SART3: variants seen among roughly 807,000 people sequenced by gnomAD.
SART3 encodes the protein HIV-1 Tat-interacting protein of 110kDa.
Under a neutral mutation model 122.3 loss-of-function variants are expected in SART3, and 44 were observed. That is an observed-to-expected ratio of 0.36 (90% CI 0.28 to 0.46). The LOEUF (loss-of-function observed/expected upper bound fraction) is 0.46, where lower values mean the gene tolerates loss of function less well. Ranked by LOEUF, SART3 falls within the 20% of genes least tolerant of loss-of-function variation. The pLI is 1.00. For missense variants in SART3, 1,101 were observed against 1,229.0 expected, an observed-to-expected ratio of 0.90 and a Z score of 1.56; for synonymous variants, 442 against 454.0, an observed-to-expected ratio of 0.97 and a Z score of 0.34.
chr12:108,527,466 A>T (rs746404904), intron 15 of SART3, among the ~76,000 whole-genome samples: 3 of 152,138 alleles, frequency 2.0e-5, no homozygotes, highest in Non-Finnish European at 4.4e-5. Context: ...TACGAAGTTG[A>T]CCCACTAGTG....
chr12:108,554,704 T>A (rs1465718955), intron 1 of SART3, among the ~76,000 whole-genome samples: 1 of 149,222 alleles, frequency 6.7e-6, no homozygotes, highest in South Asian at 2.1e-4. Flanking sequence ...AATTTAATAA[T>A]ACATTAAAAT....
intron 15 of SART3, among the ~76,000 whole-genome samples, chr12:108,526,761 T>C (rs539870042): frequency 8.3e-6 from 1 of 120,510 alleles, no homozygotes; most frequent in East Asian, 3.2e-4. Flanking sequence ...TACACTCGGG[T>C]AAGTGGGCTC....
chr12:108,524,962 T>G (rs754976810), intron 17 of SART3: 2 of 293,552 alleles, frequency 6.8e-6, no homozygotes, highest in Middle Eastern at 1.2e-3. Context: ...GAGTGGGCAG[T>G]GGGTAGACAG....
chr12:108,524,288 T>C, intron 18 of SART3, 28 bp downstream of exon 18: 1 of 1,599,350 alleles, frequency 6.3e-7, no homozygotes, highest in South Asian at 1.1e-5. Context: ...GGACGAAGTT[T>C]GCACTAGTCT....
At position 108,532,317 on chromosome 12, in the gene SART3, T is replaced by C; in HGVS notation, c.1574A>G (p.Gln525Arg). 1 of 1,614,010 alleles carries C rather than the reference T, an allele frequency of 6.2e-7. No individual in the cohort carries two copies. Among genetic ancestry groups the C allele is most frequent in the Non-Finnish European group, 8.5e-7 (1 of 1,179,972 alleles). Reference protein sequence around the residue: ...YNLERAHGDTQHCRKALHRAV... With the variant: ...YNLERAHGDTRHCRKALHRAV... ...CCGGTGCAGAGCCTTCCGGCAGTGCTGGGTGTCACCATGAGCTCTAAGGCA... is the reference window on the plus strand; with the variant it reads ...CCGGTGCAGAGCCTTCCGGCAGTGCCGGGTGTCACCATGAGCTCTAAGGCA... Residue 525 changes from glutamine to arginine, a missense_variant, in exon 13 of 19, where the codon CAG becomes CGG. By Grantham distance (43) the Gln-to-Arg change is conservative (BLOSUM62 1). Coordinates refer to ENST00000546815, the MANE Select transcript of SART3 (RefSeq NM_014706.4).
Position 108,523,340 on chromosome 12 carries a change from T to G in SART3, c.*117A>C, listed in dbSNP as rs1872211639. On this transcript the variant is annotated 3_prime_UTR_variant, in exon 19 of 19. Transcript: ENST00000546815. ...CTTTCTGTCTAAAGCCGAGGAGCCATCTGTGGTTGCGAGCACGCAGCACAC... is the reference window on the plus strand; with the variant it reads ...CTTTCTGTCTAAAGCCGAGGAGCCAGCTGTGGTTGCGAGCACGCAGCACAC... The G allele has an allele frequency of 9.5e-7, 1 of 1,054,074 alleles. No individual in the cohort carries two copies. Among genetic ancestry groups the G allele is most frequent in the East Asian group, 2.4e-5 (1 of 42,406 alleles). 65.3% of individuals were successfully genotyped at this position (1,054,074 alleles called of 1,614,324 possible).
At chr12:108,530,714 T>C (rs1394154779) in intron 14 of SART3, among the ~76,000 whole-genome samples, 4 of 151,954 alleles carry the variant, frequency 2.6e-5, no homozygotes, top group Admixed American at 2.0e-4. Flanking sequence ...AAAAATTAGC[T>C]AGGTGTGGTA....
chr12:108,529,845 AT>A (rs1485222321), intron 15 of SART3, among the ~76,000 whole-genome samples: 3 of 151,986 alleles, frequency 2.0e-5, no homozygotes, highest in African/African-American at 7.2e-5. Flanking sequence ...ACTCAAGGAG[AT>A]CCAGGAGACA....
intron 15 of SART3, among the ~76,000 whole-genome samples, chr12:108,527,410 G>A (rs190516193): frequency 2.0e-4 from 31 of 152,274 alleles, no homozygotes; most frequent in Admixed American, 9.2e-4. Context: ...ACAGTCACTC[G>A]GTCTTCCCCC....
In SART3 at chr12:108,561,140, G is replaced by C. The variant is rs762102888; in HGVS notation, c.15C>G (p.Ala5=). 4 of 1,613,298 alleles carry C rather than the reference G, an allele frequency of 2.5e-6. No homozygotes were observed. The highest frequency in any genetic ancestry group is 3.4e-6 in the Non-Finnish European group (4 of 1,179,282). Residue 5 remains alanine (A), a synonymous_variant, in exon 1 of 19, where the codon GCC becomes GCG. Coordinates refer to ENST00000546815, the MANE Select transcript of SART3 (RefSeq NM_014706.4). MATA[A]ETSASEPEAE... is the part of the protein sequence containing the mutation. ...CCTCGGGTTCTGAAGCCGAGGTTTC[G>C]GCCGCAGTCGCCATCTTGCGCTTCT...
chr12:108,523,336 G>T lies in SART3; in HGVS notation c.*121C>A. On this transcript the variant is annotated 3_prime_UTR_variant, in exon 19 of 19. Coordinates refer to ENST00000546815, the MANE Select transcript of SART3 (RefSeq NM_014706.4). ...TCCCCTTTCTGTCTAAAGCCGAGGA[G>T]CCATCTGTGGTTGCGAGCACGCAGC... is the stretch of plus-strand genomic sequence containing the variant. 9.9e-7 allele frequency: 1 copy of T among 1,011,346 alleles called. No homozygotes were observed. The highest frequency in any genetic ancestry group is 1.6e-6 in the Non-Finnish European group (1 of 635,208). The allele number at this position is 1,011,346 out of a possible 1,614,324, so 62.6% of individuals were successfully genotyped here.
intron 1 of SART3, 164 bp downstream of exon 1, chr12:108,560,679 G>T (rs1041094256): frequency 1.7e-6 from 1 of 588,666 alleles, no homozygotes; most frequent in Non-Finnish European, 3.0e-6. Context: ...CAAGGCAATG[G>T]GCAGGCAGTA....
At chr12:108,527,994 A>C (rs1872469994) in intron 15 of SART3, among the ~76,000 whole-genome samples, 1 of 151,902 alleles carries the variant, frequency 6.6e-6, no homozygotes, top group Non-Finnish European at 1.5e-5. Flanking sequence ...TTGACCCCTG[A>C]CCTCAGGTGA....
chr12:108,552,891 T>C (rs1463219153), intron 1 of SART3, among the ~76,000 whole-genome samples: 2 of 152,070 alleles, frequency 1.3e-5, no homozygotes, highest in East Asian at 1.9e-4. Flanking sequence ...AAAAATGATC[T>C]TGAAAAAGAA....
At chr12:108,548,143 C>T in intron 2 of SART3, 152 bp from the exon 3 acceptor site, 3 of 700,394 alleles carry the variant, frequency 4.3e-6, no homozygotes, top group South Asian at 3.0e-5. Flanking sequence ...GAACTAAGCA[C>T]ATAGGAGGTT....
chr12:108,547,847 G>A (rs1873500473), intron 3 of SART3, 40 bp downstream of exon 3: 2 of 1,429,408 alleles, frequency 1.4e-6, no homozygotes, highest in Non-Finnish European at 2.0e-6. Context: ...TGATATATAT[G>A]ACATTGCCAG....
intron 1 of SART3, among the ~76,000 whole-genome samples, chr12:108,557,589 G>A (rs906752007): frequency 1.3e-5 from 2 of 152,096 alleles, no homozygotes; most frequent in Admixed American, 6.5e-5. Context: ...ATTGTGCCAT[G>A]CCCCACAACA....
At chr12:108,532,646 A>G (rs1872730204) in intron 12 of SART3, 1 of 365,670 alleles carries the variant, frequency 2.7e-6, no homozygotes, top group Non-Finnish European at 5.3e-6. Flanking sequence ...GGGGAGTCCA[A>G]CAGCTCTCTG....
rs764953169 is a variant in SART3, at chr12:108,549,083, C to T, written c.439+5G>A. ...TCTAAAAGCAGCCTGACTGCTGAAGCTTACCTTCAGTCAAGGGAAAGATTT... is the reference window on the plus strand; with the variant it reads ...TCTAAAAGCAGCCTGACTGCTGAAGTTTACCTTCAGTCAAGGGAAAGATTT... On this transcript the variant is annotated splice_donor_5th_base_variant and intron_variant, in intron 2 of 18. Coordinates refer to ENST00000546815, the MANE Select transcript of SART3 (RefSeq NM_014706.4). 3.1e-6 allele frequency: 5 copies of T among 1,614,052 alleles called. No individual in the cohort carries two copies. The Admixed American group carries it at 8.3e-5, about 27-fold the overall frequency.
Sources: gnomAD v4.1 joint callset for allele counts (sites outside exome capture counted in the v4.1 genomes callset) on GRCh38, gnomAD v4.1.1 for gene constraint, MANE v1.5 for transcripts, NCBI Gene and HGNC (gene_info 2026-07-23, HGNC 2026-07-21) for gene names.